CPNE4: variants seen among roughly 807,000 people sequenced by gnomAD.
CPNE4 encodes the protein copine 4.
Under a neutral mutation model 67.9 loss-of-function variants are expected in CPNE4, and 25 were observed. The observed-to-expected ratio is 0.37, with a 90% CI of 0.27 to 0.51. The LOEUF (loss-of-function observed/expected upper bound fraction) is 0.51, where lower values mean the gene tolerates loss of function less well. CPNE4 is among the 20% of genes least tolerant of loss of function. The probability of loss-of-function intolerance (pLI) is 0.93; values close to 1 mark genes in which losing one functional copy is unlikely to be tolerated. For missense variants in CPNE4, 464 were observed against 690.8 expected, an observed-to-expected ratio of 0.67 and a Z score of 3.68; for synonymous variants, 242 against 244.9, an observed-to-expected ratio of 0.99 and a Z score of 0.11.
chr3:131,771,449 A>G (rs2083163847), intron 2 of CPNE4, among the ~76,000 whole-genome samples: 1 of 152,040 alleles, frequency 6.6e-6, no homozygotes, highest in African/African-American at 2.4e-5. Context: ...GTGAAGGGTG[A>G]GGGGTGAGTA....
intron 1 of CPNE4, among the ~76,000 whole-genome samples, chr3:132,028,525 G>A (rs1246867837): frequency 4.6e-5 from 7 of 152,148 alleles, no homozygotes; most frequent in Admixed American, 2.6e-4. Context: ...GTAAGAGATG[G>A]GGGAAGGGAT....
chr3:132,037,720 A>C, upstream of CPNE4: 1 of 904,274 alleles, frequency 1.1e-6, no homozygotes, highest in Non-Finnish European at 1.7e-6. Context: ...TCTGTTTGAT[A>C]AGATAAGAGG....
chr3:131,542,665 G>A lies in CPNE4; in HGVS notation c.1431C>T (p.Phe477=). ...CACCGTCCAGCATCTGCATGTCACTGAAGTCAGCGTTCCCTACTCCCACGA... is the reference window on the plus strand; with the variant it reads ...CACCGTCCAGCATCTGCATGTCACTAAAGTCAGCGTTCCCTACTCCCACGA... ...VIIVGVGNAD[F]SDMQMLDGDD... is the part of the protein sequence containing the mutation. Residue 477 remains phenylalanine, a synonymous_variant, in exon 15 of 16, where the codon TTC becomes TTT. Coordinates refer to ENST00000429747, the MANE Select transcript of CPNE4 (RefSeq NM_130808.3). The A allele has an allele frequency of 6.2e-7, 1 of 1,614,102 alleles. No individual in the cohort carries two copies. Among genetic ancestry groups the A allele is most frequent in the Non-Finnish European group, 8.5e-7 (1 of 1,179,980 alleles).
chr3:131,810,951 A>T (rs2084501532), intron 2 of CPNE4, among the ~76,000 whole-genome samples: 1 of 152,080 alleles, frequency 6.6e-6, no homozygotes, highest in Admixed American at 6.6e-5. Flanking sequence ...ATACTGTATG[A>T]TCTCACTTAT....
At chr3:131,726,719 G>GT (rs1560190835) in intron 2 of CPNE4, among the ~76,000 whole-genome samples, 3 of 135,208 alleles carry the variant, frequency 2.2e-5, no homozygotes, top group African/African-American at 8.3e-5. Flanking sequence ...TAATCAACTG[G>GT]GGGGGGCGGG....
intron 2 of CPNE4, among the ~76,000 whole-genome samples, chr3:131,900,569 A>AC (rs1355123437): frequency 1.3e-5 from 2 of 151,974 alleles, no homozygotes; most frequent in African/African-American, 2.4e-5. Context: ...ACTGTCTGAG[A>AC]CCCCAGCTCT....
chr3:131,541,707 A>C (rs1935501314), intron 15 of CPNE4, among the ~76,000 whole-genome samples: 1 of 151,376 alleles, frequency 6.6e-6, no homozygotes, highest in African/African-American at 2.4e-5. Flanking sequence ...TCTCACTCTC[A>C]TCACCCAGGC....
At chr3:131,989,371 C>T (rs1054775729) in intron 1 of CPNE4, among the ~76,000 whole-genome samples, 25 of 152,134 alleles carry the variant, frequency 1.6e-4, no homozygotes, top group African/African-American at 5.3e-4. Flanking sequence ...CATAAAATAC[C>T]GCTTTGGAAT....
At chr3:131,852,640 A>G (rs748795769) in intron 2 of CPNE4, among the ~76,000 whole-genome samples, 9 of 151,894 alleles carry the variant, frequency 5.9e-5, no homozygotes, top group Non-Finnish European at 8.8e-5. Context: ...CATCTTTTCA[A>G]TAGTGTACTG....
chr3:131,703,386 T>A (rs770482945), intron 3 of CPNE4, among the ~76,000 whole-genome samples: 32 of 152,132 alleles, frequency 2.1e-4, no homozygotes, highest in Non-Finnish European at 5.9e-5. Context: ...AAGGGTGAAG[T>A]GTAGAGGGAG....
At chr3:131,587,273 T>C (rs1009629899) in intron 8 of CPNE4, among the ~76,000 whole-genome samples, 7 of 152,188 alleles carry the variant, frequency 4.6e-5, no homozygotes, top group Admixed American at 6.5e-5. Flanking sequence ...GGAGAAACTG[T>C]AACGTTTGGG....
chr3:131,917,583 CTCTT>C (rs752104832), intron 1 of CPNE4, among the ~76,000 whole-genome samples: 2 of 152,106 alleles, frequency 1.3e-5, no homozygotes, highest in Non-Finnish European at 2.9e-5. Context: ...CTCTCTCTCA[CTCTT>C]TAATAGTGAG....
chr3:131,845,627 G>A (rs2085966361), intron 2 of CPNE4, among the ~76,000 whole-genome samples: 1 of 152,174 alleles, frequency 6.6e-6, no homozygotes, highest in South Asian at 2.1e-4. Flanking sequence ...GTTCAAATAT[G>A]TCTAAGGGTA....
chr3:131,955,077 G>A (rs1157232458), intron 1 of CPNE4, among the ~76,000 whole-genome samples: 1 of 147,848 alleles, frequency 6.8e-6, no homozygotes, highest in African/African-American at 2.5e-5. Flanking sequence ...TAACCATATG[G>A]TTAAGTTCTG....
chr3:131,745,716 A>G (rs529510247), intron 2 of CPNE4, among the ~76,000 whole-genome samples: 1 of 152,060 alleles, frequency 6.6e-6, no homozygotes, highest in Non-Finnish European at 1.5e-5. Flanking sequence ...CTGTGGGTAT[A>G]TTTCTGGTTT....
chr3:131,867,837 G>A (rs1246205152), intron 2 of CPNE4, among the ~76,000 whole-genome samples: 3 of 151,938 alleles, frequency 2.0e-5, no homozygotes, highest in African/African-American at 7.3e-5. Flanking sequence ...TCTCTCTCTT[G>A]GTCCTCTTCA....
intron 2 of CPNE4, among the ~76,000 whole-genome samples, chr3:131,762,146 C>G (rs2082904111): frequency 6.6e-6 from 1 of 152,018 alleles, no homozygotes; most frequent in South Asian, 2.1e-4. Flanking sequence ...TCCTCATTCT[C>G]TCTGTGGTTA....
chr3:131,552,754 A>C (rs1936252497), intron 12 of CPNE4, among the ~76,000 whole-genome samples: 1 of 152,138 alleles, frequency 6.6e-6, no homozygotes, highest in East Asian at 1.9e-4. Flanking sequence ...CTTATAAAAA[A>C]ATCCAAGAAA....
intron 3 of CPNE4, among the ~76,000 whole-genome samples, chr3:131,711,194 A>G (rs1237144029): frequency 2.0e-5 from 3 of 152,224 alleles, no homozygotes. Flanking sequence ...CATTCTCACA[A>G]TACCTGATAT....
Sources: allele counts gnomAD v4.1 joint callset (sites outside exome capture counted in the v4.1 genomes callset), GRCh38; gene constraint gnomAD v4.1.1; transcripts MANE v1.5; gene names NCBI Gene and HGNC (gene_info 2026-07-23, HGNC 2026-07-21).